Variants in C2orf49 observed in about 807,000 individuals in gnomAD.
The protein encoded by C2orf49 is tRNA-splicing ligase complex subunit ASW.
A neutral mutation model predicts 20.6 loss-of-function variants in C2orf49; 11 were observed. That is an observed-to-expected ratio of 0.53 (90% confidence interval 0.34 to 0.88). C2orf49 has a LOEUF of 0.88. Ranked by LOEUF, C2orf49 falls within the 40% of genes least tolerant of loss-of-function variation. C2orf49 has a pLI of 0.02. For missense variants in C2orf49, 289 were observed against 274.2 expected (o/e 1.05, Z -0.38); for synonymous variants, 134 against 108.5 (o/e 1.24, Z -1.46).
At chr2:105,379,321 A>G in the C2orf49 span, among the ~76,000 whole-genome samples, 1 of 152,250 alleles carries the variant, frequency 6.6e-6, no homozygotes, top group Non-Finnish European at 1.5e-5. Flanking sequence ...AATAATGAGA[A>G]GAGTTGCCTC....
intron 1 of C2orf49, among the ~76,000 whole-genome samples, 173 bp from the exon 2 acceptor site, chr2:105,339,410 T>C (rs1679602024): frequency 6.6e-6 from 1 of 152,252 alleles, no homozygotes; most frequent in Non-Finnish European, 1.5e-5. Context: ...AGGCTGAACC[T>C]AGTATCTACA....
At chr2:105,367,539 C>A in the C2orf49 span, 2 of 1,572,558 alleles carry the variant, frequency 1.3e-6, no homozygotes, top group Non-Finnish European at 1.7e-6. Flanking sequence ...CCAGCCAGAA[C>A]GTGCAAGGGC....
At chr2:105,368,150 A>G in the C2orf49 span, among the ~76,000 whole-genome samples, 1 of 152,132 alleles carries the variant, frequency 6.6e-6, no homozygotes, top group Non-Finnish European at 1.5e-5. Context: ...CTGATAATGA[A>G]CACCCCGTCT....
At chr2:105,383,855 C>T in the C2orf49 span, among the ~76,000 whole-genome samples, 1 of 152,250 alleles carries the variant, frequency 6.6e-6, no homozygotes, top group Non-Finnish European at 1.5e-5. Flanking sequence ...CTCGCTTCAA[C>T]TCAATGTCTC....
the C2orf49 span, among the ~76,000 whole-genome samples, chr2:105,374,716 T>G: frequency 6.6e-6 from 1 of 152,212 alleles, no homozygotes; most frequent in Non-Finnish European, 1.5e-5. Context: ...ATTTGCCTTT[T>G]AAAAATGACA....
the C2orf49 span, chr2:105,376,486 T>C: frequency 2.6e-5 from 4 of 152,224 alleles, no homozygotes; most frequent in Admixed American, 2.6e-4. Context: ...TTAGAAGCCC[T>C]ATCCACCCAA....
downstream of C2orf49, among the ~76,000 whole-genome samples, chr2:105,351,325 C>A (rs1168348163): frequency 1.0e-5 from 1 of 99,754 alleles, no homozygotes; most frequent in African/African-American, 3.3e-5. Context: ...CCCCCCCCCC[C>A]CAAAAAAAAA....
the C2orf49 span, chr2:105,359,710 A>G: frequency 6.6e-6 from 1 of 152,240 alleles, no homozygotes; most frequent in Non-Finnish European, 1.5e-5. Flanking sequence ...TACTGTAATG[A>G]CTGTGTGTCT....
At chr2:105,371,329 T>G in the C2orf49 span, among the ~76,000 whole-genome samples, 2 of 152,138 alleles carry the variant, frequency 1.3e-5, no homozygotes, top group Admixed American at 6.6e-5. Context: ...GTAGTGGGCC[T>G]TAGGGGCAAA....
downstream of C2orf49, among the ~76,000 whole-genome samples, chr2:105,351,703 G>A (rs902221146): frequency 1.3e-5 from 2 of 152,046 alleles, no homozygotes; most frequent in African/African-American, 2.4e-5. Context: ...GCGTCATTTT[G>A]TATATTTCTT....
the C2orf49 span, chr2:105,373,789 A>G: frequency 2.5e-6 from 4 of 1,588,574 alleles, no homozygotes; most frequent in African/African-American, 1.3e-5. Context: ...GCTTGGACCC[A>G]CAGCATAGGG....
At chr2:105,357,465 G>A in the C2orf49 span, among the ~76,000 whole-genome samples, 1 of 152,120 alleles carries the variant, frequency 6.6e-6, no homozygotes, top group African/African-American at 2.4e-5. Context: ...CTTGGTATCT[G>A]TGGGGGATTA....
the C2orf49 span, chr2:105,361,234 A>G: frequency 5.1e-6 from 8 of 1,576,700 alleles, no homozygotes; most frequent in Middle Eastern, 1.7e-4. Flanking sequence ...GAAAGAAAAC[A>G]TAAAAATCTG....
At chr2:105,383,596 C>T in the C2orf49 span, among the ~76,000 whole-genome samples, 1 of 152,152 alleles carries the variant, frequency 6.6e-6, no homozygotes, top group South Asian at 2.1e-4. Flanking sequence ...ATGAACATGT[C>T]CTTTAGAGGG....
the C2orf49 span, among the ~76,000 whole-genome samples, chr2:105,379,653 G>A: frequency 3.3e-5 from 5 of 152,250 alleles, no homozygotes; most frequent in Admixed American, 1.3e-4. Flanking sequence ...TACCTGGCAC[G>A]TCAGCCCCTT....
chr2:105,351,002 T>C (rs754086478), downstream of C2orf49, among the ~76,000 whole-genome samples: 2 of 152,210 alleles, frequency 1.3e-5, no homozygotes, highest in Non-Finnish European at 2.9e-5. Context: ...TTCTCTTGGA[T>C]GTGACAGTTT....
chr2:105,383,652 T>C, the C2orf49 span, among the ~76,000 whole-genome samples: 1 of 152,148 alleles, frequency 6.6e-6, no homozygotes, highest in East Asian at 1.9e-4. Context: ...AGAGAAGAGA[T>C]TGGCCACCAG....
chr2:105,382,895 TA>T, the C2orf49 span, among the ~76,000 whole-genome samples: 4 of 152,204 alleles, frequency 2.6e-5, no homozygotes, highest in African/African-American at 9.6e-5. Flanking sequence ...TTTTTATTTT[TA>T]TTTTTTTAAG....
chr2:105,361,895 T>C, the C2orf49 span, among the ~76,000 whole-genome samples: 2 of 152,090 alleles, frequency 1.3e-5, no homozygotes, highest in Non-Finnish European at 2.9e-5. Flanking sequence ...TAAAGTGCGA[T>C]GTGGGTGGGA....
Sources: gnomAD v4.1 joint callset for allele counts (sites outside exome capture counted in the v4.1 genomes callset) on GRCh38, gnomAD v4.1.1 for gene constraint, MANE v1.5 for transcripts, NCBI Gene and HGNC (gene_info 2026-07-23, HGNC 2026-07-21) for gene names.